The following RBBP8 variants were observed in gnomAD, a reference collection of about 807,000 sequenced individuals.
RBBP8 encodes the protein RB binding protein 8, endonuclease, also known as DNA endonuclease RBBP8.
RBBP8 carries 88 observed loss-of-function variants against 108.3 expected under a neutral mutation model. The ratio of observed to expected loss-of-function variants is 0.81; its 90% CI spans 0.68 to 0.97. RBBP8 has a LOEUF of 0.97. Ranked by LOEUF, RBBP8 falls within the 50% of genes least tolerant of loss-of-function variation. The probability of loss-of-function intolerance (pLI) is 0.00; values close to 1 mark genes in which losing one functional copy is unlikely to be tolerated. For missense variants in RBBP8, 1,023 were observed against 1,049.0 expected (o/e 0.98, Z 0.34); for synonymous variants, 332 against 348.2 (o/e 0.95, Z 0.52).
chr18:22,979,033 C>A (rs1914699469), intron 6 of RBBP8, among the ~76,000 whole-genome samples: 1 of 152,076 alleles, frequency 6.6e-6, no homozygotes, highest in African/African-American at 2.4e-5. Flanking sequence ...TTTGGGAGGC[C>A]AAGGTGGGCA....
intron 2 of RBBP8, among the ~76,000 whole-genome samples, chr18:22,938,948 T>C (rs747615906): frequency 6.6e-6 from 1 of 152,168 alleles, no homozygotes; most frequent in Non-Finnish European, 1.5e-5. Flanking sequence ...GCAATTGTGG[T>C]TGAGATGAGT....
chr18:22,946,594 T>A, intron 3 of RBBP8, 108 bp downstream of exon 3: 1 of 1,484,178 alleles, frequency 6.7e-7, no homozygotes, highest in South Asian at 1.3e-5. Flanking sequence ...TTGACCTTAA[T>A]GTCTTATTTA....
At chr18:22,928,106 C>T (rs1051936382) in intron 3 of RBBP8, among the ~76,000 whole-genome samples, 2 of 149,360 alleles carry the variant, frequency 1.3e-5, no homozygotes, top group Non-Finnish European at 3.0e-5. Flanking sequence ...GAGACTGAGG[C>T]ATGAGGATTG....
chr18:22,979,821 C>T (rs1354059687), intron 6 of RBBP8, among the ~76,000 whole-genome samples: 2 of 152,204 alleles, frequency 1.3e-5, no homozygotes, highest in Admixed American at 1.3e-4. Flanking sequence ...GGGAATGTCT[C>T]CTATTCACTC....
rs1305289948 is a variant in RBBP8 at position 22,968,938 on chromosome 18, T to G, written c.361+20T>G. On this transcript the variant is annotated intron_variant, in intron 5 of 18. Transcript: ENST00000327155. Reference sequence around the variant, plus strand: ...AACTTAGTGAGTTTCCTTTCTTCATTTATTATTTAAAGTATGTAATGTATT... The same window carrying G: ...AACTTAGTGAGTTTCCTTTCTTCATGTATTATTTAAAGTATGTAATGTATT... 1 of 1,542,570 alleles carries G rather than the reference T, an allele frequency of 6.5e-7. No homozygotes were observed. The highest frequency in any genetic ancestry group is 1.4e-5 in the African/African-American group (1 of 72,492).
intron 2 of RBBP8, among the ~76,000 whole-genome samples, chr18:22,940,734 A>G (rs1327147755): frequency 6.6e-6 from 1 of 151,896 alleles, no homozygotes; most frequent in Non-Finnish European, 1.5e-5. Flanking sequence ...GTAGCCTCAA[A>G]TTCCAGGGTG....
At chr18:22,971,501 C>T (rs912884400) in intron 5 of RBBP8, among the ~76,000 whole-genome samples, 9 of 152,084 alleles carry the variant, frequency 5.9e-5, no homozygotes, top group Non-Finnish European at 1.0e-4. Context: ...CTAGTAGATA[C>T]GTGAAATTAA....
At chr18:23,022,302 AT>A in intron 18 of RBBP8, 32 bp downstream of exon 18, 21 of 1,577,648 alleles carry the variant, frequency 1.3e-5, no homozygotes, top group East Asian at 2.2e-5. Flanking sequence ...TTTTATAATT[AT>A]TTTTTTTAAA....
rs2045949901 is a variant in RBBP8 at position 23,001,645 on chromosome 18, G to A, written c.2203G>A (p.Glu735Lys). The change falls in exon 15 of 19, where the codon GAG (glutamate) becomes AAG (lysine). Residue 735 changes from glutamate (E) to lysine (K), a missense_variant. By Grantham distance (56) the Glu-to-Lys change is moderately conservative. Coordinates refer to ENST00000327155, the MANE Select transcript of RBBP8 (RefSeq NM_002894.3). ...EDMFDRTTHEEYESCLADSFS... is the reference protein window; with the variant it reads ...EDMFDRTTHEKYESCLADSFS... ...TATGTTTGATCGGACAACACATGAAGAGTATGAATCCTGTTTGGCAGACAG... is the reference window on the plus strand; with the variant it reads ...TATGTTTGATCGGACAACACATGAAAAGTATGAATCCTGTTTGGCAGACAG... The A allele has an allele frequency of 1.2e-6, 2 of 1,614,092 alleles. No homozygotes were observed. The highest frequency in any genetic ancestry group is 1.7e-6 in the Non-Finnish European group (2 of 1,179,986).
At chr18:23,013,461 A>T (rs1258762564) in intron 16 of RBBP8, among the ~76,000 whole-genome samples, 3 of 152,182 alleles carry the variant, frequency 2.0e-5, no homozygotes, top group Non-Finnish European at 4.4e-5. Flanking sequence ...GTCCGTCAGA[A>T]TGTAGGGTCT....
chr18:22,989,824 C>T (rs1422153379), intron 9 of RBBP8, among the ~76,000 whole-genome samples: 1 of 152,012 alleles, frequency 6.6e-6, no homozygotes, highest in African/African-American at 2.4e-5. Flanking sequence ...AGACATATAC[C>T]ATTATGCCTA....
intron 1 of RBBP8, among the ~76,000 whole-genome samples, chr18:22,936,274 G>A (rs1041496339): frequency 1.3e-5 from 2 of 151,796 alleles, no homozygotes; most frequent in Non-Finnish European, 2.9e-5. Flanking sequence ...GCAAATTTTT[G>A]TATTTTTAGT....
chr18:22,966,694 C>T (rs887266213), intron 4 of RBBP8, among the ~76,000 whole-genome samples: 14 of 149,584 alleles, frequency 9.4e-5, no homozygotes, highest in African/African-American at 3.4e-4. Flanking sequence ...GCTGTGACTT[C>T]CACAGACACT....
chr18:22,914,893 C>A (rs1241312678), intron 1 of RBBP8, among the ~76,000 whole-genome samples: 1 of 152,142 alleles, frequency 6.6e-6, no homozygotes, highest in Admixed American at 6.5e-5. Context: ...CAGGTTTTGT[C>A]ATGCCTATTA....
chr18:23,001,866 T>C (rs1354144311), intron 15 of RBBP8, 137 bp downstream of exon 15: 1 of 1,267,494 alleles, frequency 7.9e-7, no homozygotes, highest in Admixed American at 2.5e-5. Flanking sequence ...TTTTCAGGTT[T>C]TTAAAATTTT....
intron 6 of RBBP8, among the ~76,000 whole-genome samples, chr18:22,978,785 T>C (rs979827667): frequency 6.6e-6 from 1 of 152,178 alleles, no homozygotes; most frequent in East Asian, 1.9e-4. Flanking sequence ...TTGCACAGAA[T>C]GGTGACTTAA....
intron 3 of RBBP8, among the ~76,000 whole-genome samples, chr18:22,918,593 C>CA (rs1161780185): frequency 6.6e-6 from 1 of 152,144 alleles, no homozygotes; most frequent in Admixed American, 6.6e-5. Context: ...CATGGCTGTA[C>CA]CTTACTTGTG....
Position 22,936,752 on chromosome 18 carries a change from A to T in RBBP8, c.-98-2A>T. The T allele has an allele frequency of 7.7e-7, 1 of 1,297,874 alleles. No individual in the cohort carries two copies. The highest frequency in any genetic ancestry group is 1.2e-5 in the South Asian group (1 of 82,990). The allele number at this position is 1,297,874 out of a possible 1,614,324, so 80.4% of individuals were successfully genotyped here. A position where few individuals can be genotyped will look rare whatever the true frequency, so the allele number is the denominator to read the frequency against. ...CATTTATGTTGCAATCTGTCATTTC[A>T]GGTATTTGACCTGTCCAAAGACGAC... On this transcript the variant is annotated splice_acceptor_variant, in intron 1 of 18. Coordinates refer to ENST00000327155, the MANE Select transcript of RBBP8 (RefSeq NM_002894.3). LOFTEE classifies it low-confidence loss of function (5UTR_SPLICE).
intron 16 of RBBP8, among the ~76,000 whole-genome samples, chr18:23,010,821 G>C (rs778595653): frequency 6.6e-6 from 1 of 152,144 alleles, no homozygotes; most frequent in Non-Finnish European, 1.5e-5. Context: ...TGGGAAGATG[G>C]ATTGTGTAGT....
Sources: allele counts gnomAD v4.1 joint callset (sites outside exome capture counted in the v4.1 genomes callset), GRCh38; gene constraint gnomAD v4.1.1; transcripts MANE v1.5; gene names NCBI Gene and HGNC (gene_info 2026-07-23, HGNC 2026-07-21).